The following HSD17B4 variants were observed in gnomAD, a reference collection of about 807,000 sequenced individuals.
HSD17B4 encodes the protein hydroxysteroid 17-beta dehydrogenase 4, also known as peroxisomal multifunctional enzyme type 2.
In HSD17B4, 70 loss-of-function variants were observed where a neutral mutation model predicts 101.0. That is an observed-to-expected ratio of 0.69 (90% confidence interval 0.57 to 0.85). The LOEUF is 0.85. Among genes scored for constraint, HSD17B4 ranks in the 40% least tolerant of loss-of-function variants. The pLI, the probability that HSD17B4 is intolerant of heterozygous loss-of-function variation, is 0.00. For missense variants in HSD17B4, 984 were observed against 892.4 expected, an observed-to-expected ratio of 1.10 and a Z score of -1.31; for synonymous variants, 347 against 297.1, an observed-to-expected ratio of 1.17 and a Z score of -1.73.
intron 16 of HSD17B4, among the ~76,000 whole-genome samples, chr5:119,512,960 A>G (rs1019166527): frequency 7.2e-5 from 11 of 152,346 alleles, no homozygotes; most frequent in Middle Eastern, 6.8e-3. Flanking sequence ...TTTACATTTT[A>G]AAGAGGTGAA....
intron 23 of HSD17B4, 41 bp from the exon 24 acceptor site, chr5:119,541,864 A>G (rs755230430): frequency 1.8e-6 from 2 of 1,135,548 alleles, no homozygotes; most frequent in East Asian, 2.3e-5. Flanking sequence ...AAACTATAAC[A>G]TGGTAACAGT....
chr5:119,476,665 G>A, intron 6 of HSD17B4: 1 of 985,480 alleles, frequency 1.0e-6, no homozygotes, highest in Non-Finnish European at 1.2e-6. Flanking sequence ...GAGAAAGATA[G>A]GATTTGCTGG....
intron 21 of HSD17B4, among the ~76,000 whole-genome samples, chr5:119,530,742 A>G (rs1376976402): frequency 2.0e-5 from 3 of 150,116 alleles, no homozygotes; most frequent in Admixed American, 6.7e-5. Context: ...AATCCCAGCT[A>G]CTCAAGAAGC....
At chr5:119,507,774 A>T (rs1751792279) in intron 15 of HSD17B4, among the ~76,000 whole-genome samples, 1 of 146,994 alleles carries the variant, frequency 6.8e-6, no homozygotes, top group Non-Finnish European at 1.5e-5. Context: ...ACTGAGCAAG[A>T]CTCTGTACCA....
chr5:119,524,607 A>G (rs956374177), intron 17 of HSD17B4, among the ~76,000 whole-genome samples: 1 of 152,236 alleles, frequency 6.6e-6, no homozygotes. Context: ...CTTTTTCCCT[A>G]TTGTTATCCA....
chr5:119,474,739 C>T (rs571597479), intron 4 of HSD17B4, among the ~76,000 whole-genome samples: 1 of 152,012 alleles, frequency 6.6e-6, no homozygotes, highest in East Asian at 1.9e-4. Flanking sequence ...TCAGTTAAAC[C>T]TCAAAGATGT....
rs143743032 is a variant in HSD17B4 at position 119,463,761 on chromosome 5, C to T, written c.112+7393C>T. Among the ~76,000 whole-genome samples, 882 of 146,142 alleles carry T rather than the reference C, an allele frequency of 6.0e-3. 3 individuals are homozygous for T. The highest frequency in any genetic ancestry group is 8.4e-3 in the Non-Finnish European group (562 of 67,122). On this transcript the variant is annotated intron_variant, in intron 2 of 23. Coordinates refer to ENST00000510025, the MANE Select transcript of HSD17B4 (RefSeq NM_000414.4). ...TTGGCTCACTGCAGCCTCCACATCC[C>T]GGGTTCAAGCGATTCTCCTGCTTCA...
Position 119,507,783 on chromosome 5 carries a change from C to CA in HSD17B4, c.1333+909dup, listed in dbSNP as rs199606262. On this transcript the variant is annotated intron_variant, in intron 15 of 23. Transcript: ENST00000510025. The stretch of plus-strand genomic sequence containing the variant: ...TGGGTGACTGAGCAAGACTCTGTAC[C>CA]AAAAAAAAAAAAAAATTTGTACATT... Among the ~76,000 whole-genome samples, 173 of 116,848 alleles carry CA rather than the reference C, an allele frequency of 1.5e-3. 2 individuals are homozygous for CA. In the South Asian group the frequency reaches 0.028, roughly 19 times the overall value. The allele number at this position is 116,848 out of a possible 152,430, so 76.7% of individuals were successfully genotyped here.
chr5:119,482,351 C>T (rs969515037), intron 8 of HSD17B4, among the ~76,000 whole-genome samples: 1 of 151,880 alleles, frequency 6.6e-6, no homozygotes, highest in East Asian at 1.9e-4. Context: ...ACCATCTGTT[C>T]TTGTGTATTA....
intron 3 of HSD17B4, 80 bp downstream of exon 3, chr5:119,474,095 A>G (rs1748330771): frequency 7.2e-6 from 6 of 828,274 alleles, no homozygotes; most frequent in African/African-American, 1.7e-5. Context: ...TTGAGCAAAT[A>G]TCTCAGTATT....
chr5:119,541,853 T>G lies in HSD17B4; in HGVS notation c.2122-52T>G, dbSNP rs33926345. 0.05 allele frequency: 50,737 copies of G among 1,016,014 alleles called. 6,077 individuals carry two copies. Among genetic ancestry groups the G allele is most frequent in the East Asian group, 0.47 (19,330 of 40,810 alleles). The allele number at this position is 1,016,014 out of a possible 1,614,324, so 62.9% of individuals were successfully genotyped here. On this transcript the variant is annotated intron_variant, in intron 23 of 23. Coordinates refer to ENST00000510025, the MANE Select transcript of HSD17B4 (RefSeq NM_000414.4). ...TAATCTTAAAAAAAAAAAAAAGAAATAAACTATAACATGGTAACAGTTGGC... is the reference window on the plus strand; with the variant it reads ...TAATCTTAAAAAAAAAAAAAAGAAAGAAACTATAACATGGTAACAGTTGGC...
At position 119,453,404 on chromosome 5, in the gene HSD17B4, A is replaced by G. The variant is rs1410889953; in HGVS notation, c.58+771A>G. Among the ~76,000 whole-genome samples, 3 of 152,236 alleles carry G rather than the reference A, an allele frequency of 2.0e-5. No homozygotes were observed. In the East Asian group the frequency reaches 5.8e-4, roughly 29 times the overall value. ...GCAAAATGGAAAATTGTTATGTGAA[A>G]TAGCCCCATTTTTTAAAGTACAAAA... is the stretch of plus-strand genomic sequence containing the variant. On this transcript the variant is annotated intron_variant, in intron 1 of 23. Transcript: ENST00000510025.
At chr5:119,461,435 C>G (rs1225022160) in intron 2 of HSD17B4, among the ~76,000 whole-genome samples, 1 of 152,148 alleles carries the variant, frequency 6.6e-6, no homozygotes, top group African/African-American at 2.4e-5. Flanking sequence ...TGATAATAAC[C>G]AATGTTGTGA....
At chr5:119,473,310 GC>G (rs1748206765) in intron 2 of HSD17B4, among the ~76,000 whole-genome samples, 1 of 31,356 alleles carries the variant, frequency 3.2e-5, no homozygotes, top group African/African-American at 1.2e-4. Flanking sequence ...TTTCTTCCCT[GC>G]TCCTTTTTTT....
intron 19 of HSD17B4, among the ~76,000 whole-genome samples, chr5:119,526,496 T>C (rs1753612487): frequency 6.6e-6 from 1 of 151,858 alleles, no homozygotes; most frequent in Non-Finnish European, 1.5e-5. Flanking sequence ...CAAGGAAAAA[T>C]ATCCATGCCC....
intron 16 of HSD17B4, among the ~76,000 whole-genome samples, chr5:119,511,875 T>C (rs1752206105): frequency 1.3e-5 from 2 of 151,760 alleles, no homozygotes; most frequent in Admixed American, 1.3e-4. Context: ...AACAGGAGAG[T>C]GTGATGCATA....
chr5:119,523,393 A>C (rs957821929), intron 17 of HSD17B4, among the ~76,000 whole-genome samples: 1 of 152,122 alleles, frequency 6.6e-6, no homozygotes, highest in Non-Finnish European at 1.5e-5. Context: ...AGAAACTTTT[A>C]GCTTTCCTTC....
chr5:119,509,299 A>G (rs1751952097), intron 16 of HSD17B4, 55 bp downstream of exon 16: 2 of 1,052,696 alleles, frequency 1.9e-6, no homozygotes, highest in South Asian at 1.3e-5. Context: ...TCTTACCTAT[A>G]CAATTGAGAC....
chr5:119,539,185 A>G (rs1020486004), intron 23 of HSD17B4, among the ~76,000 whole-genome samples: 5 of 152,164 alleles, frequency 3.3e-5, no homozygotes, highest in African/African-American at 1.2e-4. Flanking sequence ...GAAAAAGTGG[A>G]CAAAAGTCCA....
Sources: allele counts gnomAD v4.1 joint callset (sites outside exome capture counted in the v4.1 genomes callset), GRCh38; gene constraint gnomAD v4.1.1; transcripts MANE v1.5; gene names NCBI Gene and HGNC (gene_info 2026-07-23, HGNC 2026-07-21).